The following GLYATL2 variants were observed in gnomAD, a reference collection of about 807,000 sequenced individuals.
The protein encoded by GLYATL2 is glycine N-acyltransferase-like protein 2.
A neutral mutation model predicts 21.4 loss-of-function variants in GLYATL2; 25 were observed. The ratio of observed to expected loss-of-function variants is 1.17; its 90% CI spans 0.85 to 1.63. The LOEUF (loss-of-function observed/expected upper bound fraction) is 1.63, where lower values mean the gene tolerates loss of function less well. Among genes scored for constraint, GLYATL2 ranks in the 40% most tolerant of loss-of-function variants. The pLI is 0.00. For synonymous variants in GLYATL2, 114 were observed against 118.2 expected (o/e 0.96, Z 0.23); for missense variants, 361 against 343.3 (o/e 1.05, Z -0.41).
intron 1 of GLYATL2, among the ~76,000 whole-genome samples, chr11:58,872,365 TA>T (rs1838686016): frequency 6.6e-6 from 1 of 152,254 alleles, no homozygotes; most frequent in African/African-American, 2.4e-5. Flanking sequence ...TGCCCATGCC[TA>T]TGTCCTGAAT....
At chr11:58,849,265 A>G (rs867856784), upstream of GLYATL2, among the ~76,000 whole-genome samples, 6 of 152,212 alleles carry the variant, frequency 3.9e-5, no homozygotes, top group Admixed American at 2.6e-4. Context: ...CACAGGTAAT[A>G]ATAAGTACAC....
At chr11:58,905,829 CT>C (rs948449195), upstream of GLYATL2, among the ~76,000 whole-genome samples, 11 of 152,262 alleles carry the variant, frequency 7.2e-5, no homozygotes, top group African/African-American at 2.7e-4. Flanking sequence ...ACTCTCATCC[CT>C]TTTCCTCTCT....
At chr11:58,905,254 C>T (rs1854835234), upstream of GLYATL2, 1 of 356,402 alleles carries the variant, frequency 2.8e-6, no homozygotes, top group Non-Finnish European at 5.6e-6. Context: ...GAAGTTGGAT[C>T]ATTTGCGGAG....
intron 1 of GLYATL2, among the ~76,000 whole-genome samples, chr11:58,891,971 C>T (rs1477633841): frequency 1.3e-5 from 2 of 152,102 alleles, no homozygotes; most frequent in Non-Finnish European, 2.9e-5. Flanking sequence ...TGTCTTTGTT[C>T]TTTATCTAAT....
At chr11:58,869,024 A>AGG (rs1334605318) in intron 1 of GLYATL2, among the ~76,000 whole-genome samples, 29 of 128,720 alleles carry the variant, frequency 2.3e-4, no homozygotes, top group East Asian at 1.6e-3. Flanking sequence ...TTTTGTGGGT[A>AGG]CCAGATGGTG....
chr11:58,871,525 C>G (rs1854120614), intron 1 of GLYATL2, among the ~76,000 whole-genome samples: 1 of 147,846 alleles, frequency 6.8e-6, no homozygotes, highest in Non-Finnish European at 1.5e-5. Flanking sequence ...TGAGTGAGAA[C>G]ATGCAGTGTT....
At chr11:58,877,549 G>C (rs116244781) in intron 1 of GLYATL2, among the ~76,000 whole-genome samples, 29 of 152,286 alleles carry the variant, frequency 1.9e-4, no homozygotes, top group Middle Eastern at 3.4e-3. Context: ...AGAAAAGAAG[G>C]GTCCACAGAG....
At chr11:58,841,208 A>ACATC (rs1408348480) in intron 1 of GLYATL2, among the ~76,000 whole-genome samples, 3 of 152,180 alleles carry the variant, frequency 2.0e-5, no homozygotes, top group African/African-American at 7.2e-5. Flanking sequence ...AGTAAATATG[A>ACATC]CATCTATGTA....
intron 2 of GLYATL2, among the ~76,000 whole-genome samples, chr11:58,839,097 G>C (rs371625844): frequency 5.3e-5 from 8 of 152,294 alleles, no homozygotes; most frequent in African/African-American, 1.7e-4. Flanking sequence ...AGAATGTTGA[G>C]AGGCAAAATA....
At chr11:58,908,956 C>T (rs1166093903), upstream of GLYATL2, among the ~76,000 whole-genome samples, 2 of 152,144 alleles carry the variant, frequency 1.3e-5, no homozygotes, top group African/African-American at 4.8e-5. Context: ...GAAACTGAAG[C>T]TCAGCTTCCT....
chr11:58,893,751 CT>C (rs1245509712), intron 1 of GLYATL2, among the ~76,000 whole-genome samples: 1 of 152,136 alleles, frequency 6.6e-6, no homozygotes, highest in Non-Finnish European at 1.5e-5. Flanking sequence ...GTTCTTACCT[CT>C]GGGAATCAGA....
chr11:58,890,836 A>G (rs894317903), intron 1 of GLYATL2, among the ~76,000 whole-genome samples: 2 of 151,758 alleles, frequency 1.3e-5, no homozygotes, highest in Non-Finnish European at 2.9e-5. Flanking sequence ...ATGACTTACC[A>G]GAAGTATGTC....
chr11:58,903,754 C>T (rs1349818432), intron 1 of GLYATL2, among the ~76,000 whole-genome samples: 2 of 152,196 alleles, frequency 1.3e-5, no homozygotes, highest in Non-Finnish European at 2.9e-5. Context: ...CCCTCTCTTT[C>T]TCCTTTTGTG....
chr11:58,841,444 T>C (rs1182996972), intron 1 of GLYATL2, among the ~76,000 whole-genome samples: 2 of 152,188 alleles, frequency 1.3e-5, no homozygotes, highest in Non-Finnish European at 2.9e-5. Flanking sequence ...GAGGATTTCA[T>C]TGCCAGAAAA....
At chr11:58,847,803 C>T (rs1853669651), upstream of GLYATL2, among the ~76,000 whole-genome samples, 1 of 152,114 alleles carries the variant, frequency 6.6e-6, no homozygotes, top group Non-Finnish European at 1.5e-5. Flanking sequence ...GGCTTTGCTA[C>T]CTTCTGATTG....
upstream of GLYATL2, chr11:58,905,773 G>C: frequency 2.6e-6 from 1 of 385,234 alleles, no homozygotes; most frequent in Non-Finnish European, 5.3e-6. Flanking sequence ...CAGTCCCCTC[G>C]GCCTGGCCGT....
Position 58,837,332 on chromosome 11 carries a change from T to C in GLYATL2, c.252A>G (p.Lys84=). Residue 84 remains lysine (K), a synonymous_variant, in exon 4 of 6, where the codon AAA becomes AAG. Coordinates refer to ENST00000287275, the MANE Select transcript of GLYATL2 (RefSeq NM_145016.4). ...TYHIFTKAPD[K]LEEVLSYSNV... Reference sequence around the variant, plus strand: ...TGGAGTATGACAGGACTTCCTCTAATTTGTCAGGAGCTTTGGTGAAGATGT... The same window carrying C: ...TGGAGTATGACAGGACTTCCTCTAACTTGTCAGGAGCTTTGGTGAAGATGT... 1 of 1,613,980 alleles carries C rather than the reference T, an allele frequency of 6.2e-7. No individual in the cohort carries two copies. The highest frequency in any genetic ancestry group is 8.5e-7 in the Non-Finnish European group (1 of 1,179,842).
intron 1 of GLYATL2, among the ~76,000 whole-genome samples, chr11:58,873,161 T>C (rs559240): frequency 0.95 from 143,165 of 150,432 alleles, 68,547 homozygotes; most frequent in East Asian, 1. Flanking sequence ...GCTGAAGTTG[T>C]TTATCAGATT....
chr11:58,894,695 C>G (rs1854606065), intron 1 of GLYATL2, among the ~76,000 whole-genome samples: 1 of 152,036 alleles, frequency 6.6e-6, no homozygotes, highest in Non-Finnish European at 1.5e-5. Flanking sequence ...TTGTGTAGGT[C>G]ATGGAGCTTT....
Sources: gnomAD v4.1 joint callset for allele counts (sites outside exome capture counted in the v4.1 genomes callset) on GRCh38, gnomAD v4.1.1 for gene constraint, MANE v1.5 for transcripts, NCBI Gene and HGNC (gene_info 2026-07-23, HGNC 2026-07-21) for gene names.